ARHGEF28: variants seen among roughly 807,000 people sequenced by gnomAD.
ARHGEF28 encodes the protein 190 kDa guanine nucleotide exchange factor.
In ARHGEF28, 152 loss-of-function variants were observed where a neutral mutation model predicts 206.6. The ratio of observed to expected loss-of-function variants is 0.74; its 90% CI spans 0.64 to 0.84. The LOEUF (loss-of-function observed/expected upper bound fraction) is 0.84, where lower values mean the gene tolerates loss of function less well. Ranked by LOEUF, ARHGEF28 falls within the 40% of genes least tolerant of loss-of-function variation. ARHGEF28 has a pLI of 0.00. For synonymous variants in ARHGEF28, 763 were observed against 776.4 expected, an observed-to-expected ratio of 0.98 and a Z score of 0.29; for missense variants, 2,028 against 2,073.2, an observed-to-expected ratio of 0.98 and a Z score of 0.42.
Position 73,883,878 on chromosome 5 carries a change from A to C in ARHGEF28, c.3049A>C (p.Thr1017Pro). 6.5e-7 allele frequency: 1 copy of C among 1,537,588 alleles called. No individual in the cohort carries two copies. Among genetic ancestry groups the C allele is most frequent in the Non-Finnish European group, 8.8e-7 (1 of 1,140,054 alleles). Residue 1017 changes from threonine (T) to proline (P), a missense_variant, in exon 24 of 36, where the codon ACA (threonine) becomes CCA (proline). This residue lies in a region of ARHGEF28 where 223 missense variants were observed against 289.9 expected (regional missense o/e 0.77). Coordinates refer to ENST00000513042, the MANE Select transcript of ARHGEF28 (RefSeq NM_001177693.2). ...PVLVERILQYTKERTEEHKDL... is the reference protein window; with the variant it reads ...PVLVERILQYPKERTEEHKDL... ...CTTGGTGGAAAGGATATTGCAGTACACAAAGGGTAAGTTGTGACTTCTGGG... is the reference window on the plus strand; with the variant it reads ...CTTGGTGGAAAGGATATTGCAGTACCCAAAGGGTAAGTTGTGACTTCTGGG...
At chr5:73,938,881 G>A (rs913887754) in intron 35 of ARHGEF28, among the ~76,000 whole-genome samples, 1 of 149,020 alleles carries the variant, frequency 6.7e-6, no homozygotes, top group African/African-American at 2.5e-5. Flanking sequence ...GAGGTTCCTA[G>A]TTCTATAACA....
At chr5:73,764,034 TC>T (rs1235550339) in intron 4 of ARHGEF28, among the ~76,000 whole-genome samples, 1 of 152,194 alleles carries the variant, frequency 6.6e-6, no homozygotes, top group Non-Finnish European at 1.5e-5. Context: ...AACTGCTTAG[TC>T]CCCCCAATAC....
chr5:73,683,452 A>G (rs1337361310), intron 1 of ARHGEF28, among the ~76,000 whole-genome samples: 1 of 151,810 alleles, frequency 6.6e-6, no homozygotes, highest in Non-Finnish European at 1.5e-5. Context: ...AACTGGCATC[A>G]TATAGTATTT....
At chr5:73,807,441 T>C (rs1268501000) in intron 9 of ARHGEF28, among the ~76,000 whole-genome samples, 2 of 152,098 alleles carry the variant, frequency 1.3e-5, no homozygotes, top group Non-Finnish European at 2.9e-5. Context: ...GTAGAACATA[T>C]CTGTAGCAAT....
chr5:73,771,361 A>G (rs1753209345), intron 4 of ARHGEF28, among the ~76,000 whole-genome samples: 1 of 152,308 alleles, frequency 6.6e-6, no homozygotes. Flanking sequence ...TGGCATGGCC[A>G]ACATGGTGAA....
intron 12 of ARHGEF28, among the ~76,000 whole-genome samples, chr5:73,848,609 A>G (rs987016299): frequency 2.3e-5 from 3 of 131,896 alleles, no homozygotes; most frequent in African/African-American, 8.4e-5. Flanking sequence ...ATTTTGTTAG[A>G]GGGCTACAGT....
Position 73,909,652 on chromosome 5 carries a change from AG to A in ARHGEF28, c.4405del (p.Glu1469ArgfsTer39). 2 of 1,546,684 alleles carry A rather than the reference AG, an allele frequency of 1.3e-6. No individual in the cohort carries two copies. Among genetic ancestry groups the A allele is most frequent in the Non-Finnish European group, 1.7e-6 (2 of 1,145,142 alleles). ...CEQQQRAQATRESWLQERERE... is the reference protein window; with the variant it reads ...CEQQQRAQATXESWLQERERE... ...GCAGCAGCAGCGGGCGCAGGCGACC[AG>A]GGAGAGCTGGCTGCAGGAGCGGGAG... On this transcript the variant is annotated frameshift_variant, in exon 34 of 36. Coordinates refer to ENST00000513042, the MANE Select transcript of ARHGEF28 (RefSeq NM_001177693.2). LOFTEE classifies it high-confidence loss of function.
intron 9 of ARHGEF28, among the ~76,000 whole-genome samples, chr5:73,823,216 A>G (rs910286295): frequency 6.6e-6 from 1 of 152,202 alleles, no homozygotes; most frequent in African/African-American, 2.4e-5. Flanking sequence ...AGTTATGGAG[A>G]GTAAGTTTGG....
intron 26 of ARHGEF28, among the ~76,000 whole-genome samples, chr5:73,891,244 G>A (rs929091993): frequency 3.9e-5 from 6 of 152,106 alleles, no homozygotes; most frequent in Non-Finnish European, 2.9e-5. Flanking sequence ...GATTGGTTAC[G>A]CCTGGGGAAT....
intron 33 of ARHGEF28, chr5:73,908,780 A>G (rs541923892): frequency 7.3e-6 from 1 of 137,208 alleles, no homozygotes; most frequent in South Asian, 2.1e-4. Flanking sequence ...TCCTGCTATA[A>G]TACAAAGATA....
At chr5:73,785,218 G>A (rs1754091065) in intron 7 of ARHGEF28, among the ~76,000 whole-genome samples, 1 of 152,218 alleles carries the variant, frequency 6.6e-6, no homozygotes, top group African/African-American at 2.4e-5. Flanking sequence ...GATTTGGAAT[G>A]CATTTAATGT....
Position 73,780,682 on chromosome 5 carries a change from G to C in ARHGEF28, c.847G>C (p.Glu283Gln). Residue 283 changes from glutamate to glutamine, a missense_variant, in exon 7 of 36, where the codon GAG (glutamate) becomes CAG (glutamine). By Grantham distance (29) the Glu-to-Gln change is conservative. Coordinates refer to ENST00000513042, the MANE Select transcript of ARHGEF28 (RefSeq NM_001177693.2). The part of the protein sequence containing the change: ...WDRAFLVKAF[E>Q]PEARPEERTA... ...TTTCCCCATTGTTTCCTAGGCCTTT[G>C]AGCCAGAAGCCAGGCCAGAGGAAAG... 6.4e-7 allele frequency: 1 copy of C among 1,554,004 alleles called. No homozygotes were observed. The highest frequency in any genetic ancestry group is 8.7e-7 in the Non-Finnish European group (1 of 1,148,636).
intron 9 of ARHGEF28, chr5:73,803,675 G>A (rs1755270274): frequency 6.5e-6 from 1 of 153,088 alleles, no homozygotes; most frequent in Non-Finnish European, 1.5e-5. Context: ...AGGCTTCACT[G>A]AAGATGTGTC....
rs1227054034 is a variant in ARHGEF28 at position 73,872,992 on chromosome 5, A to G, written c.2567-7A>G. On this transcript the variant is annotated splice_polypyrimidine_tract_variant and splice_region_variant and intron_variant, in intron 21 of 35. Transcript: ENST00000513042. ...GTTTAAGGCTTATGTGTGCTCACACATTTCAGAGCTAATGCAAACAGAGAT... is the reference window on the plus strand; with the variant it reads ...GTTTAAGGCTTATGTGTGCTCACACGTTTCAGAGCTAATGCAAACAGAGAT... 3 of 1,613,056 alleles carry G rather than the reference A, an allele frequency of 1.9e-6. No individual in the cohort carries two copies. Among genetic ancestry groups the G allele is most frequent in the Non-Finnish European group, 1.7e-6 (2 of 1,179,370 alleles).
In ARHGEF28 at chr5:73,866,005, TC is replaced by T. The variant is rs1422520128; in HGVS notation, c.2146del (p.Gly717GlufsTer90). 2 of 1,603,098 alleles carry T rather than the reference TC, an allele frequency of 1.2e-6. No individual in the cohort carries two copies. The highest frequency in any genetic ancestry group is 1.7e-5 in the Admixed American group (1 of 58,244). ...TATAACAAGAACAAACCACAGACCA[TC>T]CTTGGAAGTAAGTGATGTAGAAAAC... ...EKYNKNKPQT[I>X]LGNSSFRDIP... On this transcript the variant is annotated frameshift_variant, in exon 18 of 36. Transcript: ENST00000513042. LOFTEE classifies it high-confidence loss of function.
chr5:73,912,910 G>A (rs1403652348), intron 35 of ARHGEF28, among the ~76,000 whole-genome samples: 1 of 152,124 alleles, frequency 6.6e-6, no homozygotes, highest in African/African-American at 2.4e-5. Context: ...ACTGGCTTTG[G>A]TATAATTCCG....
chr5:73,762,455 C>CAA (rs35028103), intron 4 of ARHGEF28, among the ~76,000 whole-genome samples: 73 of 66,630 alleles, frequency 1.1e-3, no homozygotes, highest in Middle Eastern at 8.9e-3. Flanking sequence ...GACTCCCTCT[C>CAA]AAAAAAAAAA....
chr5:73,864,080 T>G (rs765623401), intron 16 of ARHGEF28, among the ~76,000 whole-genome samples: 8 of 152,162 alleles, frequency 5.3e-5, no homozygotes. Context: ...ACAGTGTGTG[T>G]GGGATGGTGA....
At chr5:73,936,085 G>A (rs993834349) in intron 35 of ARHGEF28, among the ~76,000 whole-genome samples, 4 of 152,136 alleles carry the variant, frequency 2.6e-5, no homozygotes, top group East Asian at 1.9e-4. Flanking sequence ...CAATGATCAC[G>A]ATCATGATGC....
Sources: gnomAD v4.1 joint callset for allele counts (sites outside exome capture counted in the v4.1 genomes callset) on GRCh38, gnomAD v4.1.1 for gene constraint, gnomAD v4.1.1 regional missense constraint, MANE v1.5 for transcripts, NCBI Gene and HGNC (gene_info 2026-07-23, HGNC 2026-07-21) for gene names.